Variants in PPP2R2B observed in about 807,000 individuals in gnomAD.
PPP2R2B encodes protein phosphatase 2 regulatory subunit Bbeta, also known as serine/threonine-protein phosphatase 2A 55 kDa regulatory subunit B beta isoform.
PPP2R2B carries 5 observed loss-of-function variants against 46.0 expected under a neutral mutation model. That is an observed-to-expected ratio of 0.11 (90% CI 0.06 to 0.23). The LOEUF (loss-of-function observed/expected upper bound fraction) is 0.23. Among genes scored for constraint, PPP2R2B ranks in the 10% least tolerant of loss-of-function variants. The pLI is 1.00. For synonymous variants in PPP2R2B, 215 were observed against 206.7 expected, an observed-to-expected ratio of 1.04 and a Z score of -0.34; for missense variants, 367 against 575.0, an observed-to-expected ratio of 0.64 and a Z score of 3.70.
chr5:146,974,876 A>C (rs1348223288), intron 1 of PPP2R2B, among the ~76,000 whole-genome samples: 1 of 151,878 alleles, frequency 6.6e-6, no homozygotes, highest in Non-Finnish European at 1.5e-5. Context: ...TTTTTAATAG[A>C]CACGGGGTTT....
intron 2 of PPP2R2B, among the ~76,000 whole-genome samples, chr5:146,702,307 T>C (rs1183883988): frequency 3.9e-5 from 6 of 152,204 alleles, no homozygotes; most frequent in African/African-American, 1.4e-4. Context: ...TTCTTTTCCA[T>C]GTATGAAAAG....
intron 7 of PPP2R2B, among the ~76,000 whole-genome samples, chr5:146,617,348 A>T (rs1184624732): frequency 6.6e-6 from 1 of 152,242 alleles, no homozygotes; most frequent in Non-Finnish European, 1.5e-5. Context: ...CACATTTAAA[A>T]ATAAAGGAGT....
rs562563402 is a variant in PPP2R2B at position 146,855,020 on chromosome 5, C to T, written c.70+22982G>A. On this transcript the variant is annotated intron_variant, in intron 2 of 9. Coordinates refer to ENST00000394411, the MANE Select transcript of PPP2R2B (RefSeq NM_181675.4). ...TCCATCTTGGAGGAGGAATAGGGGG[C>T]ATAAAAGTTGGAAGCTCCAGGGAAA... Among the ~76,000 whole-genome samples the T allele has an allele frequency of 2.3e-4, 35 of 152,072 alleles. No homozygotes were observed. The South Asian group carries it at 6.9e-3, about 30-fold the overall frequency.
rs1756599698 is a variant in PPP2R2B, at chr5:147,047,532, A to T, written c.79+8133T>A. ...ATATAAAGAGTATTAATAATAGCTA[A>T]TTTTTATTAAGCTCTTAATTTGCAC... On this transcript the variant is annotated intron_variant, in intron 1 of 8. Coordinates refer to the PPP2R2B transcript ENST00000336640. Among the ~76,000 whole-genome samples, 4 of 152,212 alleles carry T rather than the reference A, an allele frequency of 2.6e-5. No homozygotes were observed. The East Asian group carries it at 7.7e-4, about 29-fold the overall frequency.
intron 1 of PPP2R2B, among the ~76,000 whole-genome samples, chr5:146,985,212 G>T (rs183498941): frequency 2.0e-5 from 3 of 151,412 alleles, no homozygotes; most frequent in East Asian, 3.9e-4. Flanking sequence ...GTAGAGACAG[G>T]GTTTCACCAT....
chr5:146,724,737 A>G (rs1751744583), intron 2 of PPP2R2B, among the ~76,000 whole-genome samples: 2 of 152,142 alleles, frequency 1.3e-5, no homozygotes, highest in South Asian at 4.1e-4. Flanking sequence ...AATATCTTTG[A>G]AAAAATTCTG....
chr5:146,701,999 C>T (rs2151168442), intron 2 of PPP2R2B, among the ~76,000 whole-genome samples: 1 of 151,518 alleles, frequency 6.6e-6, no homozygotes, highest in South Asian at 2.1e-4. Context: ...AGGTTAATTC[C>T]CCCACAATTA....
At chr5:147,052,564 T>G (rs2151903420) in intron 1 of PPP2R2B, among the ~76,000 whole-genome samples, 1 of 152,188 alleles carries the variant, frequency 6.6e-6, no homozygotes, top group Admixed American at 6.5e-5. Flanking sequence ...AGTTGAAGGT[T>G]GGAATTAACA....
At chr5:146,861,806 C>G (rs1761018993) in intron 2 of PPP2R2B, among the ~76,000 whole-genome samples, 1 of 149,752 alleles carries the variant, frequency 6.7e-6, no homozygotes, top group Non-Finnish European at 1.5e-5. Flanking sequence ...TTTACATACC[C>G]TTTTTATCAT....
chr5:146,750,846 G>A (rs906843353), intron 2 of PPP2R2B, among the ~76,000 whole-genome samples: 3 of 152,198 alleles, frequency 2.0e-5, no homozygotes, highest in Admixed American at 6.5e-5. Flanking sequence ...AAATACACAC[G>A]TTGGTACGCT....
intron 1 of PPP2R2B, among the ~76,000 whole-genome samples, chr5:147,025,249 A>G (rs1050857278): frequency 6.6e-6 from 1 of 152,054 alleles, no homozygotes; most frequent in East Asian, 1.9e-4. Flanking sequence ...AAATTCCTAT[A>G]ATCTACTAGA....
At chr5:146,970,688 A>G (rs1429282583) in intron 1 of PPP2R2B, among the ~76,000 whole-genome samples, 1 of 152,162 alleles carries the variant, frequency 6.6e-6, no homozygotes, top group Non-Finnish European at 1.5e-5. Flanking sequence ...GGAATTTACA[A>G]AGGAGATGGT....
intron 1 of PPP2R2B, among the ~76,000 whole-genome samples, chr5:147,021,224 A>C (rs911286168): frequency 2.0e-5 from 3 of 152,160 alleles, no homozygotes; most frequent in African/African-American, 7.2e-5. Context: ...AAACAGACTT[A>C]ATTGCTCTTT....
At chr5:146,886,340 A>AAAATAAATAAATAAAT (rs59329730) in intron 1 of PPP2R2B, among the ~76,000 whole-genome samples, 8,052 of 145,086 alleles carry the variant, frequency 0.055, 419 homozygotes, top group African/African-American at 0.13. Context: ...CTCCGTCTCA[A>AAAATAAATAAATAAAT]AAATAAATAA....
intron 1 of PPP2R2B, among the ~76,000 whole-genome samples, chr5:147,008,363 G>A (rs1019662175): frequency 6.6e-5 from 10 of 152,192 alleles, no homozygotes; most frequent in Admixed American, 5.9e-4. Flanking sequence ...ATGAATAAAT[G>A]TTAATTTATT....
At chr5:146,960,782 T>A (rs561874073) in intron 1 of PPP2R2B, among the ~76,000 whole-genome samples, 24 of 152,300 alleles carry the variant, frequency 1.6e-4, no homozygotes, top group African/African-American at 5.5e-4. Flanking sequence ...TAGTAACTTT[T>A]AAAATCAAAT....
At chr5:147,004,096 G>T (rs538697425) in intron 1 of PPP2R2B, among the ~76,000 whole-genome samples, 4 of 152,238 alleles carry the variant, frequency 2.6e-5, no homozygotes, top group African/African-American at 9.6e-5. Context: ...CTTAGTCATG[G>T]CCCTCAGACA....
intron 5 of PPP2R2B, among the ~76,000 whole-genome samples, chr5:146,683,782 A>G (rs1362838441): frequency 6.6e-6 from 1 of 152,212 alleles, no homozygotes; most frequent in Admixed American, 6.5e-5. Context: ...TTCTGATCCC[A>G]TAACTGAAAC....
intron 2 of PPP2R2B, among the ~76,000 whole-genome samples, chr5:147,079,738 T>C (rs916381869): frequency 1.3e-5 from 2 of 151,918 alleles, no homozygotes; most frequent in African/African-American, 4.8e-5. Context: ...TATAAAGTCA[T>C]AGATCTGAGG....
Sources: gnomAD v4.1 joint callset for allele counts (sites outside exome capture counted in the v4.1 genomes callset) on GRCh38, gnomAD v4.1.1 for gene constraint, MANE v1.5 for transcripts, NCBI Gene and HGNC (gene_info 2026-07-23, HGNC 2026-07-21) for gene names.